Variants in SRFBP1 observed in about 807,000 individuals in gnomAD.
The protein encoded by SRFBP1 is serum response factor-binding protein 1.
In SRFBP1, 47 loss-of-function variants were observed where a neutral mutation model predicts 45.5. The ratio of observed to expected loss-of-function variants is 1.03; its 90% CI spans 0.82 to 1.32. SRFBP1 has a LOEUF of 1.32. Ranked by LOEUF, SRFBP1 falls within the 40% of genes most tolerant of loss-of-function variation. SRFBP1 has a pLI of 0.00. For synonymous variants in SRFBP1, 203 were observed against 166.3 expected, an observed-to-expected ratio of 1.22 and a Z score of -1.70; for missense variants, 621 against 484.6, an observed-to-expected ratio of 1.28 and a Z score of -2.64.
intron 2 of SRFBP1, among the ~76,000 whole-genome samples, chr5:122,041,237 A>G (rs997838514): frequency 2.0e-5 from 3 of 152,104 alleles, no homozygotes; most frequent in Non-Finnish European, 4.4e-5. Flanking sequence ...TTGATTATAT[A>G]GAAAGGAATG....
intron 1 of SRFBP1, among the ~76,000 whole-genome samples, chr5:121,972,519 A>G (rs555028583): frequency 6.6e-6 from 1 of 151,966 alleles, no homozygotes; most frequent in Non-Finnish European, 1.5e-5. Context: ...ACAGAATGTT[A>G]CAAGTATTTG....
At chr5:122,014,938 A>C (rs1318804866) in intron 4 of SRFBP1, among the ~76,000 whole-genome samples, 1 of 152,208 alleles carries the variant, frequency 6.6e-6, no homozygotes, top group Non-Finnish European at 1.5e-5. Context: ...TTTTTCAACA[A>C]TTGTTTGAAT....
At chr5:122,019,837 C>A (rs937360687) in intron 5 of SRFBP1, among the ~76,000 whole-genome samples, 4 of 151,970 alleles carry the variant, frequency 2.6e-5, no homozygotes, top group Non-Finnish European at 2.9e-5. Flanking sequence ...TTCTTCATAA[C>A]TCCAAGACAT....
chr5:122,003,128 A>G (rs962098865), intron 4 of SRFBP1, among the ~76,000 whole-genome samples: 2 of 152,146 alleles, frequency 1.3e-5, no homozygotes, highest in Non-Finnish European at 2.9e-5. Flanking sequence ...GGATCACTTG[A>G]GCCCCGGAGT....
intron 2 of SRFBP1, among the ~76,000 whole-genome samples, chr5:122,033,678 C>G (rs912359958): frequency 2.0e-5 from 3 of 151,554 alleles, no homozygotes; most frequent in Non-Finnish European, 4.4e-5. Flanking sequence ...AGGCTGGTCT[C>G]GAAATCCTGA....
chr5:121,964,233 A>T (rs897518206), intron 1 of SRFBP1, among the ~76,000 whole-genome samples: 1 of 151,976 alleles, frequency 6.6e-6, no homozygotes, highest in Non-Finnish European at 1.5e-5. Context: ...TCTGGGGTAC[A>T]TGTGCAGAAC....
At chr5:122,070,626 A>C (rs757423292) in intron 2 of SRFBP1, 1 of 1,102,982 alleles carries the variant, frequency 9.1e-7, no homozygotes, top group East Asian at 2.4e-5. Context: ...AAATTATGGT[A>C]TGTGGTCAGA....
At chr5:122,043,958 A>G (rs1161215706) in intron 2 of SRFBP1, among the ~76,000 whole-genome samples, 1 of 151,722 alleles carries the variant, frequency 6.6e-6, no homozygotes, top group African/African-American at 2.4e-5. Context: ...TCTCCCTGGT[A>G]ATGCGCATGA....
intron 2 of SRFBP1, among the ~76,000 whole-genome samples, chr5:122,043,670 A>G (rs893437097): frequency 5.3e-5 from 8 of 152,114 alleles, no homozygotes; most frequent in Non-Finnish European, 1.2e-4. Context: ...GTAATTTTGT[A>G]TACTCTACTT....
chr5:121,975,108 T>C (rs775180276), intron 2 of SRFBP1, among the ~76,000 whole-genome samples: 1 of 151,962 alleles, frequency 6.6e-6, no homozygotes, highest in Non-Finnish European at 1.5e-5. Flanking sequence ...ACAGTACTTA[T>C]TTTTGCCATT....
intron 6 of SRFBP1, among the ~76,000 whole-genome samples, chr5:122,022,040 G>A (rs923820206): frequency 6.6e-6 from 1 of 151,970 alleles, no homozygotes; most frequent in Non-Finnish European, 1.5e-5. Flanking sequence ...TTCTTCCTGT[G>A]AAAAGACTTT....
intron 2 of SRFBP1, among the ~76,000 whole-genome samples, chr5:122,072,058 G>T (rs929703852): frequency 3.9e-5 from 6 of 152,190 alleles, no homozygotes; most frequent in African/African-American, 7.2e-5. Flanking sequence ...TTCTGATTCT[G>T]GCATATAATA....
Position 122,073,230 on chromosome 5 carries a change from T to C in SRFBP1, n.312-2085T>C, listed in dbSNP as rs139142490. On this transcript the variant is annotated intron_variant and non_coding_transcript_variant, in intron 2 of 2. Transcript: ENST00000504881. ...CAAATTATAATGTCCTTTTACAAATTAGGGTTTCATATGGAAATACTGACA... is the reference window on the plus strand; with the variant it reads ...CAAATTATAATGTCCTTTTACAAATCAGGGTTTCATATGGAAATACTGACA... 9.8e-3 allele frequency among the ~76,000 whole-genome samples: 1,492 copies of C among 152,272 alleles called. 28 individuals are homozygous for C. Among genetic ancestry groups the C allele is most frequent in the African/African-American group, 0.034 (1,395 of 41,558 alleles).
chr5:121,982,354 C>A (rs981861533), intron 3 of SRFBP1, among the ~76,000 whole-genome samples: 4 of 151,836 alleles, frequency 2.6e-5, no homozygotes, highest in Non-Finnish European at 5.9e-5. Context: ...AGTAACAGAT[C>A]ATCATACTGA....
At chr5:121,994,742 A>G (rs905787685) in intron 4 of SRFBP1, 72 bp downstream of exon 4, 3 of 1,017,118 alleles carry the variant, frequency 2.9e-6, no homozygotes, top group African/African-American at 3.3e-5. Context: ...TTTCTTGAAG[A>G]GAAAACTTAC....
At chr5:122,029,036 A>G (rs901655018), downstream of SRFBP1, among the ~76,000 whole-genome samples, 1 of 152,072 alleles carries the variant, frequency 6.6e-6, no homozygotes, top group African/African-American at 2.4e-5. Flanking sequence ...TACAAGAGCC[A>G]TTAGTCTAGG....
intron 2 of SRFBP1, among the ~76,000 whole-genome samples, chr5:122,039,187 T>G (rs1292305439): frequency 6.6e-6 from 1 of 152,164 alleles, no homozygotes; most frequent in African/African-American, 2.4e-5. Context: ...CTATTATAAA[T>G]TTGTCCTTAC....
In SRFBP1 at chr5:121,998,045, G is replaced by A. The variant is rs201814132; in HGVS notation, c.270+3375G>A. Among the ~76,000 whole-genome samples the A allele has an allele frequency of 3.2e-4, 49 of 152,194 alleles. No individual in the cohort carries two copies. The East Asian group carries it at 8.9e-3, about 28-fold the overall frequency. On this transcript the variant is annotated intron_variant, in intron 4 of 7. Coordinates refer to ENST00000339397, the MANE Select transcript of SRFBP1 (RefSeq NM_152546.3). The stretch of plus-strand genomic sequence containing the variant: ...GTGCTGGAGAGGATGTGGAGAAATA[G>A]GAACACTTACACTGTTGGTGGGACT...
chr5:121,972,647 A>G (rs1035323239), intron 1 of SRFBP1, among the ~76,000 whole-genome samples: 2 of 151,930 alleles, frequency 1.3e-5, no homozygotes, highest in Non-Finnish European at 2.9e-5. Context: ...TCTAAACTGC[A>G]TAAAAAGAGG....
Sources: allele counts gnomAD v4.1 joint callset (sites outside exome capture counted in the v4.1 genomes callset), GRCh38; gene constraint gnomAD v4.1.1; transcripts MANE v1.5; gene names NCBI Gene and HGNC (gene_info 2026-07-23, HGNC 2026-07-21).